ARSL: variants seen among roughly 807,000 people sequenced by gnomAD.
ARSL encodes the protein arylsulfatase L.
Under a neutral mutation model 31.1 loss-of-function variants are expected in ARSL, and 4 were observed. The observed-to-expected ratio is 0.13, with a 90% CI of 0.06 to 0.29. The LOEUF (loss-of-function observed/expected upper bound fraction) is 0.29. Ranked by LOEUF, ARSL falls within the 10% of genes least tolerant of loss-of-function variation. The probability of loss-of-function intolerance (pLI) is 1.00; values close to 1 mark genes in which losing one functional copy is unlikely to be tolerated. For synonymous variants in ARSL, 198 were observed against 209.9 expected (o/e 0.94, Z 0.49); for missense variants, 312 against 497.8 (o/e 0.63, Z 3.55).
At chrX:2,943,253 C>T (rs768793579) in intron 7 of ARSL, 54 bp from the exon 8 acceptor site, 13 of 1,191,256 alleles carry the variant, frequency 1.1e-5, no homozygotes, top group Non-Finnish European at 1.5e-5. Context: ...ATCAGAAATG[C>T]AGCTCTGAAG....
intron 8 of ARSL, among the ~76,000 whole-genome samples, chrX:2,939,635 C>T (rs2089253303): frequency 9.0e-6 from 1 of 110,572 alleles, no homozygotes; most frequent in African/African-American, 3.3e-5. Flanking sequence ...AGCAAATATA[C>T]ATCATAGGTA....
In ARSL at chrX:2,949,414, A is replaced by C; in HGVS notation, c.744T>G (p.Ile248Met). ...TCATCAGAAAGCAATCGGCATGGAC[A>C]ATCAGAGCACCCACAAAATAGGAGC... ...LASSYFVGAL[I>M]VHADCFLMRN... The change falls in exon 6 of 11, where the codon ATT becomes ATG. Residue 248 changes from isoleucine (I) to methionine (M), a missense_variant. By Grantham distance (10) the Ile-to-Met change is conservative. Coordinates refer to ENST00000381134, the MANE Select transcript of ARSL (RefSeq NM_000047.3). 8.3e-7 allele frequency: 1 copy of C among 1,211,436 alleles called. No homozygotes were observed. The highest frequency in any genetic ancestry group is 1.1e-6 in the Non-Finnish European group (1 of 895,518).
rs781372274 is a variant in ARSL at position 2,960,414 on chromosome X, C to T, written c.-14G>A. 8.3e-7 allele frequency: 1 copy of T among 1,201,575 alleles called. No homozygotes were observed. The highest frequency in any genetic ancestry group is 1.1e-6 in the Non-Finnish European group (1 of 889,802). ...CAGATGTAACATGTTGTCTCTCTCT[C>T]TACTTCCTGTAAGACATAAAGATGT... On this transcript the variant is annotated 5_prime_UTR_variant, in exon 2 of 11. Coordinates refer to ENST00000381134, the MANE Select transcript of ARSL (RefSeq NM_000047.3).
At chrX:2,960,132 G>T (rs1187922594) in intron 2 of ARSL, among the ~76,000 whole-genome samples, 1 of 90,353 alleles carries the variant, frequency 1.1e-5, no homozygotes, top group African/African-American at 4.0e-5. Context: ...AGCCGGGCGT[G>T]GTGGCAGGCG....
intron 6 of ARSL, among the ~76,000 whole-genome samples, chrX:2,947,367 G>A (rs2089400073): frequency 8.9e-6 from 1 of 112,285 alleles, no homozygotes; most frequent in Non-Finnish European, 1.9e-5. Context: ...TTAGCTTATA[G>A]AATAAGTGGT....
rs6641673 is a variant in ARSL at position 2,960,135 on chromosome X, G to A, written c.23+243C>T. ...ATACAAAAAATTAGCCGGGCGTGGT[G>A]GCAGGCGCCTGTAGTCCCAGCTACT... On this transcript the variant is annotated intron_variant, in intron 2 of 10. Transcript: ENST00000381134. 0.17 allele frequency among the ~76,000 whole-genome samples: 12,134 copies of A among 70,617 alleles called. 1,373 individuals are homozygous for A. Among genetic ancestry groups the A allele is most frequent in the Middle Eastern group, 0.32 (49 of 153 alleles). 61.3% of individuals were successfully genotyped at this position (70,617 alleles called of 115,157 possible). A position where few individuals can be genotyped will look rare whatever the true frequency, so the allele number is the denominator to read the frequency against.
At chrX:2,959,273 C>G in intron 2 of ARSL, among the ~76,000 whole-genome samples, 1 of 111,555 alleles carries the variant, frequency 9.0e-6, no homozygotes, top group Non-Finnish European at 1.9e-5. Flanking sequence ...ATGAAAATAC[C>G]CAGGACTGAC....
At chrX:2,945,341 G>C (rs2089362593) in intron 7 of ARSL, among the ~76,000 whole-genome samples, 1 of 111,833 alleles carries the variant, frequency 8.9e-6, no homozygotes, top group Non-Finnish European at 1.9e-5. Context: ...TGGGGCTTTT[G>C]TAGGTGATAG....
Position 2,934,956 on chromosome X carries a change from T to C in ARSL, c.1646A>G (p.Gln549Arg), listed in dbSNP as rs2089176104. ...CAGAGGAACTGGGCTGAGTGTCCGC[T>C]GGTGTTCCCACACCGCCTGCTGGAC... Reference protein sequence around the residue: ...ERVQQAVWEHQRTLSPVPLQL... With the variant: ...ERVQQAVWEHRRTLSPVPLQL... Residue 549 changes from glutamine (Q) to arginine (R), a missense_variant, in exon 11 of 11, where the codon CAG becomes CGG. Transcript: ENST00000381134. The C allele has an allele frequency of 8.3e-7, 1 of 1,210,913 alleles. No homozygotes were observed.
chrX:2,941,822 C>G (rs1282090297), intron 8 of ARSL, among the ~76,000 whole-genome samples: 2 of 112,307 alleles, frequency 1.8e-5, no homozygotes, highest in Non-Finnish European at 3.8e-5. Context: ...GGCTGTGTCA[C>G]AGGCCATGGT....
At chrX:2,935,744 A>G (rs1472882631) in intron 10 of ARSL, among the ~76,000 whole-genome samples, 1 of 101,991 alleles carries the variant, frequency 9.8e-6, no homozygotes, top group African/African-American at 3.6e-5. Context: ...CCCAGGCTAG[A>G]GTGCAGTGGT....
At chrX:2,945,363 G>A (rs868430174) in intron 7 of ARSL, among the ~76,000 whole-genome samples, 1 of 111,768 alleles carries the variant, frequency 8.9e-6, no homozygotes, top group South Asian at 3.8e-4. Context: ...AGGAAATTTA[G>A]TCCTATTTTC....
intron 3 of ARSL, 83 bp from the exon 4 acceptor site, chrX:2,955,620 G>A (rs2089514359): frequency 9.3e-7 from 1 of 1,078,152 alleles, no homozygotes; most frequent in Non-Finnish European, 1.3e-6. Flanking sequence ...CTTCATAGAA[G>A]GTCTGCTGGT....
At chrX:2,944,183 CA>C (rs1285881359) in intron 7 of ARSL, among the ~76,000 whole-genome samples, 1 of 109,060 alleles carries the variant, frequency 9.2e-6, no homozygotes, top group East Asian at 2.9e-4. Flanking sequence ...CGGCCAGGCG[CA>C]GTGGCTCATC....
rs192355252 is a variant in ARSL, at chrX:2,960,516, C to G, written c.-20-96G>C. The G allele has an allele frequency of 5.8e-4, 491 of 851,688 alleles. 5 individuals are homozygous for G. The East Asian group carries it at 0.015, about 26-fold the overall frequency. The allele number at this position is 851,688 out of a possible 1,213,427, so 70.2% of individuals were successfully genotyped here. ...GTAAGTAATTAGGGGAACTTTGATT[C>G]CCGTTCATGATATCAATAGCAAAAA... On this transcript the variant is annotated intron_variant, in intron 1 of 10. Coordinates refer to ENST00000381134, the MANE Select transcript of ARSL (RefSeq NM_000047.3).
Position 2,943,148 on chromosome X carries a change from A to G in ARSL, c.1043T>C (p.Ile348Thr), listed in dbSNP as rs759330790. The change falls in exon 8 of 11, where the codon ATT (isoleucine) becomes ACT (threonine). Residue 348 changes from isoleucine (I) to threonine (T), a missense_variant. Coordinates refer to ENST00000381134, the MANE Select transcript of ARSL (RefSeq NM_000047.3). ...DVEGLSNSTL[I>T]YFTSDHGGSL... ...ACCGCCGTGATCCGACGTAAAATAA[A>G]TGAGGGTGCTGTTGCTCAAACCCTC... The G allele has an allele frequency of 5.7e-5, 69 of 1,209,301 alleles. No individual in the cohort carries two copies. The highest frequency in any genetic ancestry group is 3.9e-4 in the South Asian group (22 of 56,714).
chrX:2,944,453 C>CA lies in ARSL; in HGVS notation c.992-1255dup, dbSNP rs1164134651. 9.8e-3 allele frequency among the ~76,000 whole-genome samples: 492 copies of CA among 50,066 alleles called. 6 individuals carry two copies. The highest frequency in any genetic ancestry group is 0.029 in the African/African-American group (416 of 14,549). The allele number at this position is 50,066 out of a possible 115,157, so 43.5% of individuals were successfully genotyped here. On this transcript the variant is annotated intron_variant, in intron 7 of 10. Transcript: ENST00000381134. ...TGGGCAACAGAGTGAGACTCGGTCT[C>CA]AAAAAAAAAACAAAAAAAACAAAAA... is the stretch of plus-strand genomic sequence containing the variant.
At chrX:2,952,323 T>TTTTC (rs2089473765) in intron 5 of ARSL, among the ~76,000 whole-genome samples, 1 of 111,810 alleles carries the variant, frequency 8.9e-6, no homozygotes, top group Admixed American at 9.6e-5. Context: ...TTGATGTTCC[T>TTTTC]TTTCTTTCTT....
rs186705398 is a variant in ARSL, at chrX:2,944,277, A to G, written c.992-1078T>C. Among the ~76,000 whole-genome samples the G allele has an allele frequency of 1.9e-3, 210 of 109,118 alleles. 1 individual carries two copies. Among genetic ancestry groups the G allele is most frequent in the Non-Finnish European group, 2.6e-3 (137 of 52,514 alleles). The allele number at this position is 109,118 out of a possible 115,157, so 94.8% of individuals were successfully genotyped here. ...GAGACCAGCCTGGCCAACATGGTGA[A>G]ACCCCATCTCTACTAAAAGTACAAA... is the stretch of plus-strand genomic sequence containing the variant. On this transcript the variant is annotated intron_variant, in intron 7 of 10. Coordinates refer to ENST00000381134, the MANE Select transcript of ARSL (RefSeq NM_000047.3).
Sources: allele counts gnomAD v4.1 joint callset (sites outside exome capture counted in the v4.1 genomes callset), GRCh38; gene constraint gnomAD v4.1.1; transcripts MANE v1.5; gene names NCBI Gene and HGNC (gene_info 2026-07-23, HGNC 2026-07-21).